Variants in ME3 observed in about 807,000 individuals in gnomAD.
ME3 encodes malic enzyme 3.
In ME3, 48 loss-of-function variants were observed where a neutral mutation model predicts 68.9. That is an observed-to-expected ratio of 0.70 (90% CI 0.55 to 0.89). The LOEUF is 0.89. Among genes scored for constraint, ME3 ranks in the 40% least tolerant of loss-of-function variants. ME3 has a pLI of 0.00. For missense variants in ME3, 675 were observed against 797.4 expected (o/e 0.85, Z 1.85); for synonymous variants, 320 against 318.8 (o/e 1.00, Z -0.04).
chr11:86,559,621 C>G (rs984941617), intron 3 of ME3, 69 bp downstream of exon 3: 2 of 1,502,390 alleles, frequency 1.3e-6, no homozygotes, highest in African/African-American at 2.8e-5. Context: ...AGAAAACCCT[C>G]TGTGAAGCAC....
chr11:86,456,211 C>T (rs897391494), intron 8 of ME3, among the ~76,000 whole-genome samples: 1 of 152,176 alleles, frequency 6.6e-6, no homozygotes, highest in South Asian at 2.1e-4. Flanking sequence ...GAGTTTTCTG[C>T]TCATCGGAGT....
At chr11:86,489,921 G>GCAA (rs1188282273) in intron 6 of ME3, among the ~76,000 whole-genome samples, 1 of 152,076 alleles carries the variant, frequency 6.6e-6, no homozygotes, top group Non-Finnish European at 1.5e-5. Flanking sequence ...TTTAAATGAG[G>GCAA]CAACAAGACA....
intron 2 of ME3, among the ~76,000 whole-genome samples, chr11:86,591,716 C>T (rs1431714546): frequency 2.6e-5 from 4 of 152,122 alleles, no homozygotes; most frequent in Admixed American, 6.5e-5. Flanking sequence ...AGGAGCAAGT[C>T]GCATTTTATG....
At chr11:86,656,327 T>C (rs1945868203) in intron 2 of ME3, among the ~76,000 whole-genome samples, 1 of 151,794 alleles carries the variant, frequency 6.6e-6, no homozygotes, top group Non-Finnish European at 1.5e-5. Context: ...CTATTCACAA[T>C]AGCAAAGACT....
At chr11:86,492,637 G>T (rs1402682975) in intron 6 of ME3, among the ~76,000 whole-genome samples, 1 of 152,204 alleles carries the variant, frequency 6.6e-6, no homozygotes, top group Non-Finnish European at 1.5e-5. Context: ...ATAATTTTAG[G>T]TGAAGGCCTT....
intron 2 of ME3, among the ~76,000 whole-genome samples, chr11:86,652,265 G>C (rs1193870345): frequency 6.6e-6 from 1 of 152,118 alleles, no homozygotes; most frequent in East Asian, 1.9e-4. Context: ...TACTCCTCGA[G>C]AAGAGCAACT....
At chr11:86,525,907 T>C (rs1249853255) in intron 4 of ME3, among the ~76,000 whole-genome samples, 3 of 148,436 alleles carry the variant, frequency 2.0e-5, no homozygotes, top group African/African-American at 7.5e-5. Flanking sequence ...GAGGGCCTAA[T>C]AGGAACTGCT....
At chr11:86,518,909 A>G (rs3894263) in intron 4 of ME3, among the ~76,000 whole-genome samples, 1,567 of 152,324 alleles carry the variant, frequency 0.01, 15 homozygotes, top group Non-Finnish European at 0.016. Flanking sequence ...TCCAGAGGCA[A>G]GGAATGCCAA....
At chr11:86,533,748 C>A (rs1955433005) in intron 4 of ME3, among the ~76,000 whole-genome samples, 1 of 152,148 alleles carries the variant, frequency 6.6e-6, no homozygotes, top group South Asian at 2.1e-4. Flanking sequence ...CAACAAAATA[C>A]AGTCACAGTG....
At chr11:86,497,738 G>A (rs1213396002) in intron 6 of ME3, among the ~76,000 whole-genome samples, 1 of 152,152 alleles carries the variant, frequency 6.6e-6, no homozygotes, top group Non-Finnish European at 1.5e-5. Flanking sequence ...AGAGGAGCAA[G>A]GGGGCCCAGG....
At chr11:86,655,192 A>G (rs11530882) in intron 2 of ME3, among the ~76,000 whole-genome samples, 29,507 of 152,150 alleles carry the variant, frequency 0.19, 3,640 homozygotes, top group East Asian at 0.56. Context: ...TTATAGATTC[A>G]ATGCTATCCC....
intron 10 of ME3, among the ~76,000 whole-genome samples, chr11:86,448,489 T>A (rs1949449136): frequency 6.6e-6 from 1 of 152,126 alleles, no homozygotes; most frequent in African/African-American, 2.4e-5. Context: ...CCAAACCACA[T>A]ATGGAGAATC....
intron 2 of ME3, among the ~76,000 whole-genome samples, chr11:86,612,112 T>A (rs1166463760): frequency 6.6e-6 from 1 of 152,126 alleles, no homozygotes; most frequent in African/African-American, 2.4e-5. Flanking sequence ...CCTCTCTGTA[T>A]CCATGTGTTC....
chr11:86,582,749 G>C (rs1958514343), intron 2 of ME3, among the ~76,000 whole-genome samples: 1 of 152,026 alleles, frequency 6.6e-6, no homozygotes, highest in South Asian at 2.1e-4. Flanking sequence ...CTGTTGTAGT[G>C]AGATCTCTTT....
At chr11:86,447,019 G>C (rs1949341735) in intron 12 of ME3, 46 bp downstream of exon 12, 1 of 1,598,376 alleles carries the variant, frequency 6.3e-7, no homozygotes, top group East Asian at 2.2e-5. Context: ...CATTGTAATT[G>C]TTACTATGTC....
At chr11:86,599,746 G>T (rs1028114894) in intron 2 of ME3, among the ~76,000 whole-genome samples, 3 of 152,262 alleles carry the variant, frequency 2.0e-5, no homozygotes, top group African/African-American at 4.8e-5. Context: ...GACTGACAGC[G>T]GATCTCTTGG....
At chr11:86,650,425 A>C (rs540365256) in intron 2 of ME3, among the ~76,000 whole-genome samples, 1 of 152,372 alleles carries the variant, frequency 6.6e-6, no homozygotes, top group East Asian at 1.9e-4. Context: ...AAAACACCAA[A>C]AGCAATGGCA....
Position 86,605,403 on chromosome 11 carries a change from G to A in ME3, c.184-45580C>T, listed in dbSNP as rs529915563. On this transcript the variant is annotated intron_variant, in intron 2 of 14. Coordinates refer to ENST00000543262, the Ensembl canonical transcript of ME3. ...CTTTGACTTAAGAACCTGTGACCAGGTATTGGTCCTGAAAAGCATTTTAGA... is the reference window on the plus strand; with the variant it reads ...CTTTGACTTAAGAACCTGTGACCAGATATTGGTCCTGAAAAGCATTTTAGA... Among the ~76,000 whole-genome samples, 4 of 152,232 alleles carry A rather than the reference G, an allele frequency of 2.6e-5. No individual in the cohort carries two copies. The South Asian group carries it at 8.3e-4, about 32-fold the overall frequency.
intron 2 of ME3, among the ~76,000 whole-genome samples, chr11:86,614,650 G>A (rs969334511): frequency 6.6e-6 from 1 of 152,092 alleles, no homozygotes; most frequent in Non-Finnish European, 1.5e-5. Context: ...TTTAGCAACA[G>A]GCACCAACCA....
Sources: gnomAD v4.1 joint callset for allele counts (sites outside exome capture counted in the v4.1 genomes callset) on GRCh38, gnomAD v4.1.1 for gene constraint, MANE v1.5 for transcripts, NCBI Gene and HGNC (gene_info 2026-07-23, HGNC 2026-07-21) for gene names.